The following KATNIP variants were observed in gnomAD, a reference collection of about 807,000 sequenced individuals.
KATNIP encodes the protein katanin-interacting protein.
A neutral mutation model predicts 174.0 loss-of-function variants in KATNIP; 126 were observed. The observed-to-expected ratio is 0.72, with a 90% CI of 0.63 to 0.84. The LOEUF (loss-of-function observed/expected upper bound fraction) is 0.84, where lower values mean the gene tolerates loss of function less well. Among genes scored for constraint, KATNIP ranks in the 40% least tolerant of loss-of-function variants. The pLI, the probability that KATNIP is intolerant of heterozygous loss-of-function variation, is 0.00. For missense variants in KATNIP, 1,958 were observed against 2,109.7 expected, an observed-to-expected ratio of 0.93 and a Z score of 1.41; for synonymous variants, 810 against 835.7, an observed-to-expected ratio of 0.97 and a Z score of 0.53.
intron 8 of KATNIP, among the ~76,000 whole-genome samples, chr16:27,690,369 A>G (rs1291446492): frequency 6.7e-6 from 1 of 148,338 alleles, no homozygotes; most frequent in African/African-American, 2.5e-5. Context: ...TAGATGATAG[A>G]TAGATAGATA....
At chr16:27,722,182 C>T (rs1340284508) in intron 14 of KATNIP, 1 of 155,036 alleles carries the variant, frequency 6.5e-6, no homozygotes, top group Non-Finnish European at 1.4e-5. Context: ...GTCTAGCCAG[C>T]TCCCAGGCAT....
At chr16:27,639,667 C>T (rs1389375206) in intron 5 of KATNIP, among the ~76,000 whole-genome samples, 1 of 152,204 alleles carries the variant, frequency 6.6e-6, no homozygotes, top group African/African-American at 2.4e-5. Context: ...GTGGCCTGTG[C>T]AGCTTCAGCA....
chr16:27,593,647 C>T (rs548748438), intron 2 of KATNIP, among the ~76,000 whole-genome samples: 1 of 152,286 alleles, frequency 6.6e-6, no homozygotes, highest in African/African-American at 2.4e-5. Context: ...CCTCCTGCCT[C>T]AGCCTCCCAT....
chr16:27,684,592 A>G (rs2078458204), intron 8 of KATNIP, among the ~76,000 whole-genome samples: 1 of 152,228 alleles, frequency 6.6e-6, no homozygotes. Flanking sequence ...ACGAAGTACC[A>G]CAATCAGAGT....
At position 27,739,894 on chromosome 16, in the gene KATNIP, T is replaced by A. The variant is rs2081035790; in HGVS notation, c.1744-147T>A. Reference sequence around the variant, plus strand: ...CCACAGAAATGAGACCAAGCCTAGTTTCACACCCCCAGCACTGTGGTTTTC... The same window carrying A: ...CCACAGAAATGAGACCAAGCCTAGTATCACACCCCCAGCACTGTGGTTTTC... On this transcript the variant is annotated intron_variant, in intron 14 of 27. Coordinates refer to ENST00000261588, the MANE Select transcript of KATNIP (RefSeq NM_015202.5). 4 of 797,424 alleles carry A rather than the reference T, an allele frequency of 5.0e-6. No individual in the cohort carries two copies. In the East Asian group the frequency reaches 1.1e-4, roughly 21 times the overall value. The allele number at this position is 797,424 out of a possible 1,614,324, so 49.4% of individuals were successfully genotyped here. A position where few individuals can be genotyped will look rare whatever the true frequency, so the allele number is the denominator to read the frequency against.
chr16:27,612,577 G>A (rs763020466), intron 2 of KATNIP, among the ~76,000 whole-genome samples: 1 of 151,958 alleles, frequency 6.6e-6, no homozygotes, highest in Non-Finnish European at 1.5e-5. Flanking sequence ...TGGCCAACAT[G>A]GTGAAACCCC....
chr16:27,667,752 A>G (rs1597114436), intron 6 of KATNIP, among the ~76,000 whole-genome samples: 2 of 152,336 alleles, frequency 1.3e-5, no homozygotes, highest in South Asian at 4.1e-4. Context: ...TGCCATCATC[A>G]AAATTTTAAA....
intron 6 of KATNIP, among the ~76,000 whole-genome samples, chr16:27,666,170 A>G (rs1402538454): frequency 1.3e-5 from 2 of 152,120 alleles, no homozygotes; most frequent in Non-Finnish European, 2.9e-5. Context: ...TTTGTCTTCT[A>G]TCACTCTCTT....
chr16:27,596,445 G>C (rs565868921), intron 2 of KATNIP, among the ~76,000 whole-genome samples: 50 of 152,140 alleles, frequency 3.3e-4, no homozygotes, highest in Non-Finnish European at 5.9e-4. Flanking sequence ...TAAAACCTAG[G>C]AAGACCCTGT....
intron 3 of KATNIP, among the ~76,000 whole-genome samples, chr16:27,628,131 A>G (rs2076385337): frequency 6.6e-6 from 1 of 152,198 alleles, no homozygotes; most frequent in African/African-American, 2.4e-5. Context: ...TGTTTTGAGA[A>G]CACATCTATT....
rs1476200622 is a variant in KATNIP, at chr16:27,633,721, C to A, written c.408+2559C>A. Among the ~76,000 whole-genome samples, 8 of 152,280 alleles carry A rather than the reference C, an allele frequency of 5.3e-5. No homozygotes were observed. In the East Asian group the frequency reaches 1.5e-3, roughly 29 times the overall value. On this transcript the variant is annotated intron_variant, in intron 5 of 27. Coordinates refer to ENST00000261588, the MANE Select transcript of KATNIP (RefSeq NM_015202.5). ...CTTTATCAGCCCACCCACAATAATC[C>A]TGTAGGTCAGAAAATGTCCTCATTG...
intron 13 of KATNIP, among the ~76,000 whole-genome samples, chr16:27,712,046 G>A (rs2079597211): frequency 1.3e-5 from 2 of 152,214 alleles, no homozygotes; most frequent in East Asian, 3.9e-4. Context: ...CTCCAGAACA[G>A]AGCACACTAG....
At chr16:27,607,974 C>T (rs916051444) in intron 2 of KATNIP, among the ~76,000 whole-genome samples, 2 of 152,084 alleles carry the variant, frequency 1.3e-5, no homozygotes, top group African/African-American at 4.8e-5. Flanking sequence ...GCAGTCAGCA[C>T]GGTTGGGTAT....
chr16:27,713,729 TATA>T (rs2079736464), intron 13 of KATNIP, among the ~76,000 whole-genome samples: 4 of 112 alleles, frequency 0.036, no homozygotes, highest in Non-Finnish European at 0.054. Flanking sequence ...GTGTGTGTAT[TATA>T]TACACATACA....
chr16:27,676,806 A>G (rs954542870), intron 6 of KATNIP, among the ~76,000 whole-genome samples: 16 of 152,028 alleles, frequency 1.1e-4, no homozygotes, highest in African/African-American at 3.6e-4. Context: ...AGTAGCTGGG[A>G]CTACAGGCAT....
intron 7 of KATNIP, among the ~76,000 whole-genome samples, chr16:27,679,595 T>C (rs1157836626): frequency 1.3e-5 from 2 of 151,722 alleles, no homozygotes; most frequent in African/African-American, 4.8e-5. Flanking sequence ...AAAAAATGTT[T>C]TAAAAAATTA....
rs1176805541 is a variant in KATNIP, at chr16:27,560,197, G to T, written c.7+10020G>T. Among the ~76,000 whole-genome samples the T allele has an allele frequency of 2.1e-5, 3 of 142,476 alleles. No individual in the cohort carries two copies. The South Asian group carries it at 6.8e-4, about 32-fold the overall frequency. The allele number at this position is 142,476 out of a possible 152,430, so 93.5% of individuals were successfully genotyped here. ...TTCAGGAGGCTGAGGCAGGAGAATCGCTTGAACCTGGGAGGCAGAGGTTGC... is the reference window on the plus strand; with the variant it reads ...TTCAGGAGGCTGAGGCAGGAGAATCTCTTGAACCTGGGAGGCAGAGGTTGC... On this transcript the variant is annotated intron_variant, in intron 1 of 27. Coordinates refer to ENST00000261588, the MANE Select transcript of KATNIP (RefSeq NM_015202.5).
At chr16:27,722,537 A>G (rs2080283373) in intron 14 of KATNIP, 1 of 152,216 alleles carries the variant, frequency 6.6e-6, no homozygotes, top group Admixed American at 6.5e-5. Flanking sequence ...ATAGTGAGGA[A>G]GGACAGGAAT....
At chr16:27,725,383 G>A (rs187457115) in intron 14 of KATNIP, among the ~76,000 whole-genome samples, 8 of 152,298 alleles carry the variant, frequency 5.3e-5, no homozygotes, top group East Asian at 3.9e-4. Flanking sequence ...CTGGAGTGCC[G>A]TCCTGAGAAA....
Sources: allele counts gnomAD v4.1 joint callset (sites outside exome capture counted in the v4.1 genomes callset), GRCh38; gene constraint gnomAD v4.1.1; transcripts MANE v1.5; gene names NCBI Gene and HGNC (gene_info 2026-07-23, HGNC 2026-07-21).